The following TF variants were observed in gnomAD, a reference collection of about 807,000 sequenced individuals.
TF encodes serotransferrin.
A neutral mutation model predicts 82.4 loss-of-function variants in TF; 55 were observed. That is an observed-to-expected ratio of 0.67 (90% CI 0.54 to 0.84). The LOEUF is 0.84. Ranked by LOEUF, TF falls within the 40% of genes least tolerant of loss-of-function variation. The pLI is 0.00. For missense variants in TF, 737 were observed against 868.4 expected (o/e 0.85, Z 1.90); for synonymous variants, 332 against 332.6 (o/e 1.00, Z 0.02).
In TF at chr3:133,790,550, A is replaced by C. The variant is rs768463355; in HGVS notation, c.*11930A>C. ...GTTTAGATAATAAAATATTCTTTAAAACCTGATAGAGAATTGGAGATATTT... is the reference window on the plus strand; with the variant it reads ...GTTTAGATAATAAAATATTCTTTAACACCTGATAGAGAATTGGAGATATTT... On this transcript the variant is annotated 3_prime_UTR_variant, in exon 17 of 17. Transcript: ENST00000402696. The C allele has an allele frequency of 5.9e-5, 9 of 152,268 alleles. No homozygotes were observed. Among genetic ancestry groups the C allele is most frequent in the Non-Finnish European group, 8.8e-5 (6 of 68,050 alleles). 9.4% of individuals were successfully genotyped at this position (152,268 alleles called of 1,614,324 possible).
the TF span, among the ~76,000 whole-genome samples, chr3:133,694,991 G>A: frequency 6.6e-6 from 1 of 151,914 alleles, no homozygotes; most frequent in Non-Finnish European, 1.5e-5. Flanking sequence ...GTCTGGTTTG[G>A]TGACTGCCAG....
intron 2 of TF, 185 bp downstream of exon 2, chr3:133,748,769 T>A: frequency 4.0e-6 from 3 of 750,864 alleles, no homozygotes; most frequent in Admixed American, 4.8e-5. Context: ...AAAGCAAAAG[T>A]CAAAAAGCAC....
chr3:133,788,155 A>C lies in TF; in HGVS notation c.*9535A>C, dbSNP rs949298725. The C allele has an allele frequency of 6.6e-6, 1 of 152,352 alleles. No individual in the cohort carries two copies. The highest frequency in any genetic ancestry group is 1.5e-5 in the Non-Finnish European group (1 of 68,114). The allele number at this position is 152,352 out of a possible 1,614,324, so 9.4% of individuals were successfully genotyped here. On this transcript the variant is annotated 3_prime_UTR_variant, in exon 17 of 17. Transcript: ENST00000402696. ...AGATTCATGCAGACTTCCTAGAAAT[A>C]AATGAAATGGAAACACATCAGCTAT...
chr3:133,768,207 C>T (rs201290202), intron 13 of TF, 43 bp downstream of exon 13: 9 of 1,612,266 alleles, frequency 5.6e-6, no homozygotes, highest in South Asian at 2.2e-5. Flanking sequence ...ATATACAAGC[C>T]CTGGCCAGAT....
chr3:133,743,627 T>C (rs907267765), upstream of TF, among the ~76,000 whole-genome samples: 6 of 152,174 alleles, frequency 3.9e-5, no homozygotes, highest in African/African-American at 1.4e-4. Context: ...AAGATACAGA[T>C]GCTAAAGCAC....
intron 2 of TF, among the ~76,000 whole-genome samples, chr3:133,749,888 G>A (rs1020665327): frequency 1.3e-5 from 2 of 152,154 alleles, no homozygotes; most frequent in Non-Finnish European, 2.9e-5. Flanking sequence ...AGGGGAGAAC[G>A]CAGGGCTCTG....
the TF span, among the ~76,000 whole-genome samples, chr3:133,714,828 GCC>G: frequency 6.6e-6 from 1 of 152,088 alleles, no homozygotes; most frequent in African/African-American, 2.4e-5. Context: ...GATTACAGGT[GCC>G]CACCACCACA....
chr3:133,669,075 A>G, the TF span, among the ~76,000 whole-genome samples: 3 of 151,440 alleles, frequency 2.0e-5, no homozygotes, highest in Admixed American at 2.0e-4. Context: ...ATCTCAGTTC[A>G]CTGCAACCTC....
At chr3:133,687,777 C>G in the TF span, among the ~76,000 whole-genome samples, 1 of 152,134 alleles carries the variant, frequency 6.6e-6, no homozygotes. Flanking sequence ...CTTTTCATGA[C>G]GGAATAATAT....
chr3:133,779,770 C>T lies in TF; in HGVS notation c.*1150C>T, dbSNP rs1198601163. 1.3e-5 allele frequency: 2 copies of T among 152,300 alleles called. No individual in the cohort carries two copies. Among genetic ancestry groups the T allele is most frequent in the Non-Finnish European group, 2.9e-5 (2 of 68,114 alleles). The allele number at this position is 152,300 out of a possible 1,614,324, so 9.4% of individuals were successfully genotyped here. A position where few individuals can be genotyped will look rare whatever the true frequency, so the allele number is the denominator to read the frequency against. On this transcript the variant is annotated 3_prime_UTR_variant, in exon 17 of 17. Coordinates refer to ENST00000402696, the MANE Select transcript of TF (RefSeq NM_001063.4). The stretch of plus-strand genomic sequence containing the variant: ...CCTACTACCTACCTGTGGGTCTATA[C>T]TCGAGTCTTGCAGCAGTCAGAAACC...
the TF span, among the ~76,000 whole-genome samples, chr3:133,736,463 T>C: frequency 2.0e-5 from 3 of 152,014 alleles, no homozygotes; most frequent in East Asian, 5.8e-4. Context: ...AATATTAACC[T>C]TAATGTAAAC....
At chr3:133,735,352 A>G in the TF span, among the ~76,000 whole-genome samples, 3 of 152,052 alleles carry the variant, frequency 2.0e-5, no homozygotes, top group Non-Finnish European at 2.9e-5. Context: ...AAAAAAAAAA[A>G]AAAGAAATAA....
At chr3:133,735,208 G>T in the TF span, among the ~76,000 whole-genome samples, 2 of 152,010 alleles carry the variant, frequency 1.3e-5, no homozygotes, top group African/African-American at 4.8e-5. Context: ...AGGCGTGGTG[G>T]CAGGTGCCTG....
intron 14 of TF, chr3:133,774,068 A>G (rs906998210): frequency 2.0e-5 from 3 of 152,212 alleles, no homozygotes; most frequent in Non-Finnish European, 4.4e-5. Context: ...TTGAGCTCAC[A>G]CAGCATCTAG....
chr3:133,677,535 G>T, the TF span, among the ~76,000 whole-genome samples: 1 of 152,120 alleles, frequency 6.6e-6, no homozygotes, highest in African/African-American at 2.4e-5. Flanking sequence ...TACTCGGGAG[G>T]CTGAGGCAGG....
At chr3:133,683,974 T>C in the TF span, among the ~76,000 whole-genome samples, 1 of 152,184 alleles carries the variant, frequency 6.6e-6, no homozygotes, top group South Asian at 2.1e-4. Flanking sequence ...TCAGCAAATG[T>C]AAAAGAACAG....
chr3:133,682,951 G>A, the TF span, among the ~76,000 whole-genome samples: 1 of 152,216 alleles, frequency 6.6e-6, no homozygotes, highest in Admixed American at 6.5e-5. Flanking sequence ...GGCAGCCAGA[G>A]AGAAAGGTTG....
the TF span, among the ~76,000 whole-genome samples, chr3:133,675,550 T>C: frequency 6.6e-6 from 1 of 152,170 alleles, no homozygotes; most frequent in African/African-American, 2.4e-5. Context: ...AAAGGAGAAA[T>C]GTTCTTCTAG....
At chr3:133,735,459 C>T in the TF span, among the ~76,000 whole-genome samples, 13 of 152,050 alleles carry the variant, frequency 8.5e-5, no homozygotes, top group East Asian at 2.1e-3. Flanking sequence ...ATGAGTTTGA[C>T]GAATTGACAG....
Sources: allele counts gnomAD v4.1 joint callset (sites outside exome capture counted in the v4.1 genomes callset), GRCh38; gene constraint gnomAD v4.1.1; transcripts MANE v1.5; gene names NCBI Gene and HGNC (gene_info 2026-07-23, HGNC 2026-07-21).